TRIM35: variants seen among roughly 807,000 people sequenced by gnomAD.
The protein encoded by TRIM35 is tripartite motif containing 35.
Under a neutral mutation model 49.1 loss-of-function variants are expected in TRIM35, and 37 were observed. That is an observed-to-expected ratio of 0.75 (90% CI 0.58 to 0.99). The LOEUF is 0.99. Among genes scored for constraint, TRIM35 ranks in the 50% least tolerant of loss-of-function variants. TRIM35 has a pLI of 0.00. For missense variants in TRIM35, 648 were observed against 702.7 expected (o/e 0.92, Z 0.88); for synonymous variants, 302 against 289.3 (o/e 1.04, Z -0.45).
chr8:27,308,836 C>T (rs1178700513), intron 1 of TRIM35, among the ~76,000 whole-genome samples: 1 of 152,214 alleles, frequency 6.6e-6, no homozygotes, highest in Non-Finnish European at 1.5e-5. Context: ...AAACCCCCAG[C>T]TGCTGTTCAC....
At chr8:27,310,572 C>T (rs552009067) in intron 1 of TRIM35, among the ~76,000 whole-genome samples, 2 of 152,386 alleles carry the variant, frequency 1.3e-5, no homozygotes, top group Non-Finnish European at 2.9e-5. Context: ...CATGTAACCT[C>T]ATCTGTCACT....
chr8:27,307,446 C>G (rs1174502962), intron 1 of TRIM35, among the ~76,000 whole-genome samples: 2 of 152,172 alleles, frequency 1.3e-5, no homozygotes, highest in African/African-American at 4.8e-5. Context: ...GAGCAGCCTC[C>G]CCCTTACAAT....
chr8:27,305,473 G>A (rs552161402), intron 1 of TRIM35, among the ~76,000 whole-genome samples: 2 of 152,324 alleles, frequency 1.3e-5, no homozygotes, highest in South Asian at 4.1e-4. Context: ...ATGTCCTCTG[G>A]TGCAACCAAA....
chr8:27,289,184 C>T lies in TRIM35; in HGVS notation c.882G>A (p.Lys294=), dbSNP rs1272901802. The change falls in exon 5 of 6, where the codon AAG becomes AAA. Residue 294 remains lysine, a synonymous_variant. Transcript: ENST00000305364. ...LGSLQYRVWK[K]MLASVESVPF... Reference sequence around the variant, plus strand: ...CACCAGATTCCACAGATGCAAGCATCTTCTTCCAGACGCGGTACTGCAGGG... The same window carrying T: ...CACCAGATTCCACAGATGCAAGCATTTTCTTCCAGACGCGGTACTGCAGGG... 9.3e-6 allele frequency: 15 copies of T among 1,614,054 alleles called. No homozygotes were observed. The highest frequency in any genetic ancestry group is 1.3e-5 in the Non-Finnish European group (15 of 1,179,930).
chr8:27,285,936 C>G lies in TRIM35; in HGVS notation c.*1614G>C, dbSNP rs1388225830. ...ATCCTCACCACGCCCAATCCAGCCC[C>G]TTCACACACTGACATCGCCTACCTG... On this transcript the variant is annotated 3_prime_UTR_variant, in exon 6 of 6. Coordinates refer to ENST00000305364, the MANE Select transcript of TRIM35 (RefSeq NM_171982.5). 1 of 365,246 alleles carries G rather than the reference C, an allele frequency of 2.7e-6. No individual in the cohort carries two copies. The highest frequency in any genetic ancestry group is 2.1e-5 in the African/African-American group (1 of 47,094). The allele number at this position is 365,246 out of a possible 1,614,324, so 22.6% of individuals were successfully genotyped here.
At chr8:27,300,487 G>T (rs1802661106) in intron 1 of TRIM35, among the ~76,000 whole-genome samples, 1 of 151,968 alleles carries the variant, frequency 6.6e-6, no homozygotes, top group South Asian at 2.1e-4. Context: ...AGCTAAGGCA[G>T]GCCCAATTCC....
At chr8:27,295,555 G>A (rs1038471009) in intron 2 of TRIM35, among the ~76,000 whole-genome samples, 1 of 152,136 alleles carries the variant, frequency 6.6e-6, no homozygotes, top group Non-Finnish European at 1.5e-5. Flanking sequence ...TACCTTAAAC[G>A]TGCCCAGGAC....
rs760459284 is a variant in TRIM35 at position 27,290,158 on chromosome 8, G to A, written c.783C>T (p.Arg261=). Reference sequence around the variant, plus strand: ...CTCCACCAGCTTTGGCAACTTACCGGCGTTTTCGGCTCTTGTGTTTCTGAA... The same window carrying A: ...CTCCACCAGCTTTGGCAACTTACCGACGTTTTCGGCTCTTGTGTTTCTGAA... ...SFLMKHKSRK[R]RLFCTMEPEP... The change falls in exon 4 of 6, where the codon CGC becomes CGT. Residue 261 remains arginine, a splice_region_variant and synonymous_variant. Transcript: ENST00000305364. The A allele has an allele frequency of 6.2e-7, 1 of 1,614,004 alleles. No individual in the cohort carries two copies. Among genetic ancestry groups the A allele is most frequent in the Non-Finnish European group, 8.5e-7 (1 of 1,179,998 alleles).
At chr8:27,305,088 C>T (rs1802757101) in intron 1 of TRIM35, among the ~76,000 whole-genome samples, 1 of 152,208 alleles carries the variant, frequency 6.6e-6, no homozygotes, top group Non-Finnish European at 1.5e-5. Flanking sequence ...TACTACCAAG[C>T]TCAAAGGACT....
chr8:27,299,718 C>A (rs1802644855), intron 1 of TRIM35, among the ~76,000 whole-genome samples: 1 of 152,198 alleles, frequency 6.6e-6, no homozygotes, highest in Non-Finnish European at 1.5e-5. Context: ...GCCTCATTCC[C>A]ATCTGGACCT....
rs549355422 is a variant in TRIM35, at chr8:27,287,820, G to A, written c.1212C>T (p.Gly404=). 47 of 1,611,572 alleles carry A rather than the reference G, an allele frequency of 2.9e-5. No individual in the cohort carries two copies. Among genetic ancestry groups the A allele is most frequent in the Admixed American group, 1.0e-4 (6 of 59,762 alleles). The change falls in exon 6 of 6, where the codon GGC becomes GGT. Residue 404 remains glycine, a synonymous_variant. Transcript: ENST00000305364. This position sits in a 1 kb window ranked among gnomAD's most constrained non-coding sequence, Gnocchi z 6.0. ...SGFWYVCRTQ[G]VEGDHCVTSD... is the part of the protein sequence containing the mutation. The stretch of plus-strand genomic sequence containing the variant: ...AGGTCACGCAGTGGTCCCCCTCCAC[G>A]CCCTGCGTGCGGCAGACATACCAGA...
At chr8:27,308,778 GA>G (rs1802840043) in intron 1 of TRIM35, among the ~76,000 whole-genome samples, 1 of 152,116 alleles carries the variant, frequency 6.6e-6, no homozygotes, top group South Asian at 2.1e-4. Context: ...CTCAGCCCCT[GA>G]CATCATCCTG....
intron 3 of TRIM35, among the ~76,000 whole-genome samples, chr8:27,291,631 A>G (rs1480749780): frequency 6.6e-6 from 1 of 152,244 alleles, no homozygotes; most frequent in Non-Finnish European, 1.5e-5. Context: ...CATAATAGCC[A>G]AAATAGAAAC....
At chr8:27,292,882 G>A (rs1478028654) in intron 3 of TRIM35, among the ~76,000 whole-genome samples, 1 of 152,068 alleles carries the variant, frequency 6.6e-6, no homozygotes, top group Non-Finnish European at 1.5e-5. Flanking sequence ...ATAAAAAAGA[G>A]TCACAAACCA....
chr8:27,308,235 G>C (rs753653634), intron 1 of TRIM35, among the ~76,000 whole-genome samples: 2 of 152,166 alleles, frequency 1.3e-5, no homozygotes, highest in Non-Finnish European at 2.9e-5. Flanking sequence ...CATTTATTAC[G>C]CAGTAACAGG....
chr8:27,301,958 C>A (rs191044360), intron 1 of TRIM35, among the ~76,000 whole-genome samples: 1 of 152,190 alleles, frequency 6.6e-6, no homozygotes, highest in Non-Finnish European at 1.5e-5. Flanking sequence ...GTCTGCAGAG[C>A]CACCTCTGTC....
chr8:27,292,792 A>G (rs1027936266), intron 3 of TRIM35, among the ~76,000 whole-genome samples: 10 of 152,204 alleles, frequency 6.6e-5, no homozygotes, highest in Non-Finnish European at 1.2e-4. Context: ...TGTATATACT[A>G]AAAATCACTG....
chr8:27,296,126 T>A (rs896274548), intron 2 of TRIM35, among the ~76,000 whole-genome samples: 4 of 151,434 alleles, frequency 2.6e-5, no homozygotes, highest in Admixed American at 6.6e-5. Context: ...ATGTCTGCAT[T>A]GGAGAGAGTA....
chr8:27,297,483 T>C (rs1163124471), intron 2 of TRIM35, among the ~76,000 whole-genome samples: 1 of 152,240 alleles, frequency 6.6e-6, no homozygotes, highest in Non-Finnish European at 1.5e-5. Flanking sequence ...ATTGGTCACC[T>C]ACCCACTTCA....
Sources: gnomAD v4.1 joint callset for allele counts (sites outside exome capture counted in the v4.1 genomes callset) on GRCh38, gnomAD v4.1.1 for gene constraint, Gnocchi (gnomAD v3.1) non-coding constraint, MANE v1.5 for transcripts, NCBI Gene and HGNC (gene_info 2026-07-23, HGNC 2026-07-21) for gene names.